SLMAP: variants seen among roughly 807,000 people sequenced by gnomAD.
SLMAP encodes sarcolemma associated protein.
A neutral mutation model predicts 128.8 loss-of-function variants in SLMAP; 44 were observed. That is an observed-to-expected ratio of 0.34 (90% confidence interval 0.27 to 0.44). The LOEUF (loss-of-function observed/expected upper bound fraction) is 0.44, where lower values mean the gene tolerates loss of function less well. Among genes scored for constraint, SLMAP ranks in the 20% least tolerant of loss-of-function variants. The probability of loss-of-function intolerance (pLI) is 1.00; values close to 1 mark genes in which losing one functional copy is unlikely to be tolerated. For synonymous variants in SLMAP, 327 were observed against 348.8 expected, an observed-to-expected ratio of 0.94 and a Z score of 0.70; for missense variants, 787 against 985.3, an observed-to-expected ratio of 0.80 and a Z score of 2.69.
At chr3:57,776,923 A>G (rs1403736889) in intron 2 of SLMAP, among the ~76,000 whole-genome samples, 2 of 152,090 alleles carry the variant, frequency 1.3e-5, no homozygotes, top group Non-Finnish European at 2.9e-5. Context: ...TTTGATTATT[A>G]TGGCCCTAAT....
At position 57,859,339 on chromosome 3, in the gene SLMAP, A is replaced by G. The variant is rs985489334; in HGVS notation, c.687+1180A>G. ...CTGTCTCAAAAAAAAAAAAAAAAAA[A>G]GCGGGGGCAGTTTGAGACCAGTATG... On this transcript the variant is annotated intron_variant, in intron 8 of 24. Transcript: ENST00000671191. 7.8e-4 allele frequency among the ~76,000 whole-genome samples: 117 copies of G among 149,406 alleles called. 1 individual carries two copies. Among genetic ancestry groups the G allele is most frequent in the African/African-American group, 2.6e-3 (105 of 40,604 alleles).
At position 57,927,396 on chromosome 3, in the gene SLMAP, C is replaced by G; in HGVS notation, c.*107C>G. On this transcript the variant is annotated 3_prime_UTR_variant, in exon 25 of 25. Coordinates refer to ENST00000671191, the MANE Select transcript of SLMAP (RefSeq NM_001377540.1). Reference sequence around the variant, plus strand: ...GCCAGAGCTTCTCCATGAGAGCGTTCCTTGAGTCCGTACACCGTCCTCCCT... The same window carrying G: ...GCCAGAGCTTCTCCATGAGAGCGTTGCTTGAGTCCGTACACCGTCCTCCCT... 6 of 1,546,362 alleles carry G rather than the reference C, an allele frequency of 3.9e-6. No homozygotes were observed. The highest frequency in any genetic ancestry group is 4.4e-6 in the Non-Finnish European group (5 of 1,126,862).
intron 15 of SLMAP, among the ~76,000 whole-genome samples, chr3:57,892,195 A>C (rs1459470424): frequency 1.3e-5 from 2 of 152,144 alleles, no homozygotes; most frequent in African/African-American, 4.8e-5. Context: ...CGAGCTATAA[A>C]GTGTTTTCTT....
chr3:57,873,667 A>G (rs954993620), intron 14 of SLMAP, among the ~76,000 whole-genome samples: 8 of 152,082 alleles, frequency 5.3e-5, no homozygotes, highest in Non-Finnish European at 1.0e-4. Context: ...AACTAAAAGA[A>G]TATCTAATCT....
chr3:57,927,412 C>T lies in SLMAP; in HGVS notation c.*123C>T, dbSNP rs761445888. ...GAGAGCGTTCCTTGAGTCCGTACACCGTCCTCCCTCTAGAAGCTGGCATCA... is the reference window on the plus strand; with the variant it reads ...GAGAGCGTTCCTTGAGTCCGTACACTGTCCTCCCTCTAGAAGCTGGCATCA... On this transcript the variant is annotated 3_prime_UTR_variant, in exon 25 of 25. Coordinates refer to ENST00000671191, the MANE Select transcript of SLMAP (RefSeq NM_001377540.1). The T allele has an allele frequency of 5.4e-5, 77 of 1,427,540 alleles. No individual in the cohort carries two copies. The highest frequency in any genetic ancestry group is 7.0e-5 in the African/African-American group (5 of 71,872). 88.4% of individuals were successfully genotyped at this position (1,427,540 alleles called of 1,614,324 possible). A position where few individuals can be genotyped will look rare whatever the true frequency, so the allele number is the denominator to read the frequency against.
chr3:57,785,448 T>G (rs2083894407), intron 2 of SLMAP, among the ~76,000 whole-genome samples: 1 of 152,188 alleles, frequency 6.6e-6, no homozygotes, highest in Non-Finnish European at 1.5e-5. Flanking sequence ...TAATTATGCA[T>G]TTAAGGGGAT....
chr3:57,780,350 G>T (rs1290233630), intron 2 of SLMAP, among the ~76,000 whole-genome samples: 3 of 152,046 alleles, frequency 2.0e-5, no homozygotes, highest in African/African-American at 7.3e-5. Flanking sequence ...TCGCCAGGTT[G>T]CCCAGGCTGG....
chr3:57,888,879 CTTTCTGTTTTTTTTTCTTTT>C (rs930810413), intron 14 of SLMAP, among the ~76,000 whole-genome samples: 7 of 151,666 alleles, frequency 4.6e-5, no homozygotes, highest in African/African-American at 1.7e-4. Flanking sequence ...AAATCTGTTA[CTTTCTGTTTTTTTTTCTTTT>C]TTTCTGTTTT....
At chr3:57,878,084 C>T (rs1446740414) in intron 14 of SLMAP, among the ~76,000 whole-genome samples, 2 of 151,870 alleles carry the variant, frequency 1.3e-5, no homozygotes, top group Non-Finnish European at 2.9e-5. Context: ...CTCAGGTGAT[C>T]CACCTGCCTT....
At chr3:57,820,663 G>T (rs986898691) in intron 2 of SLMAP, among the ~76,000 whole-genome samples, 8 of 152,154 alleles carry the variant, frequency 5.3e-5, no homozygotes, top group African/African-American at 1.9e-4. Context: ...CCCTCCTAGC[G>T]ACCATCTCAG....
chr3:57,769,019 G>A (rs2080282811), intron 2 of SLMAP, among the ~76,000 whole-genome samples: 1 of 152,014 alleles, frequency 6.6e-6, no homozygotes, highest in Non-Finnish European at 1.5e-5. Context: ...AATCGGTTCT[G>A]TTTTTCTAGA....
chr3:57,921,858 A>G (rs984135232), intron 22 of SLMAP, among the ~76,000 whole-genome samples: 1 of 151,966 alleles, frequency 6.6e-6, no homozygotes, highest in African/African-American at 2.4e-5. Flanking sequence ...GGCATGCACA[A>G]CCATGCCTGG....
intron 23 of SLMAP, among the ~76,000 whole-genome samples, chr3:57,923,740 G>A (rs2096955486): frequency 6.6e-6 from 1 of 152,172 alleles, no homozygotes. Flanking sequence ...TGCAGTGTGC[G>A]TGAGCCACAT....
At chr3:57,899,405 C>T (rs1158295713) in intron 17 of SLMAP, 2 of 152,164 alleles carry the variant, frequency 1.3e-5, no homozygotes, top group Non-Finnish European at 1.5e-5. Flanking sequence ...GTCAGAGTTT[C>T]CCTAACCTTG....
intron 2 of SLMAP, among the ~76,000 whole-genome samples, chr3:57,794,758 G>C (rs747454447): frequency 2.0e-5 from 3 of 152,122 alleles, no homozygotes; most frequent in Non-Finnish European, 4.4e-5. Flanking sequence ...GTTTATGTAG[G>C]TATTGCATTG....
intron 4 of SLMAP, 28 bp from the exon 5 acceptor site, chr3:57,847,169 G>T: frequency 6.5e-7 from 1 of 1,531,206 alleles, no homozygotes; most frequent in Non-Finnish European, 9.0e-7. Context: ...CCGGATATTA[G>T]ATAAAACTTC....
At chr3:57,880,675 C>T (rs140985023) in intron 14 of SLMAP, among the ~76,000 whole-genome samples, 26 of 151,342 alleles carry the variant, frequency 1.7e-4, no homozygotes, top group African/African-American at 5.6e-4. Context: ...TTCAGGAGTT[C>T]GAGACCAGTC....
chr3:57,929,590 T>C lies in SLMAP; in HGVS notation c.*2301T>C, dbSNP rs2097050301. ...GAATAGGATTATTCACTGGTAATAA[T>C]AGAGTCATTAAGAAATATTAAGCAT... On this transcript the variant is annotated 3_prime_UTR_variant, in exon 25 of 25. Coordinates refer to ENST00000671191, the MANE Select transcript of SLMAP (RefSeq NM_001377540.1). 6.6e-6 allele frequency among the ~76,000 whole-genome samples: 1 copy of C among 152,220 alleles called. No homozygotes were observed. Among genetic ancestry groups the C allele is most frequent in the African/African-American group, 2.4e-5 (1 of 41,452 alleles).
rs148569586 is a variant in SLMAP at position 57,798,546 on chromosome 3, C to T, written c.199-32837C>T. Among the ~76,000 whole-genome samples, 628 of 152,024 alleles carry T rather than the reference C, an allele frequency of 4.1e-3. 5 individuals carry two copies. The highest frequency in any genetic ancestry group is 0.015 in the African/African-American group (609 of 41,444). On this transcript the variant is annotated intron_variant, in intron 2 of 24. Transcript: ENST00000671191. ...TTAAATTTAGGAAATGGCATAAAAC[C>T]CAAGAGAATATATATTATAGCTCAG...
Sources: gnomAD v4.1 joint callset for allele counts (sites outside exome capture counted in the v4.1 genomes callset) on GRCh38, gnomAD v4.1.1 for gene constraint, MANE v1.5 for transcripts, NCBI Gene and HGNC (gene_info 2026-07-23, HGNC 2026-07-21) for gene names.